Variants in SPATA17 observed in about 807,000 individuals in gnomAD.
SPATA17 encodes spermatogenesis-associated protein 17.
A neutral mutation model predicts 62.2 loss-of-function variants in SPATA17; 53 were observed. That is an observed-to-expected ratio of 0.85 (90% CI 0.68 to 1.07). The LOEUF is 1.07. Among genes scored for constraint, SPATA17 ranks in the 50% least tolerant of loss-of-function variants. SPATA17 has a pLI of 0.00. For synonymous variants in SPATA17, 146 were observed against 146.8 expected, an observed-to-expected ratio of 0.99 and a Z score of 0.04; for missense variants, 466 against 425.5, an observed-to-expected ratio of 1.10 and a Z score of -0.84.
At chr1:217,850,865 A>C (rs570048603) in intron 9 of SPATA17, among the ~76,000 whole-genome samples, 1 of 152,112 alleles carries the variant, frequency 6.6e-6, no homozygotes, top group Non-Finnish European at 1.5e-5. Flanking sequence ...TGAAATTTGC[A>C]GGGGGAATTA....
chr1:217,717,625 G>A (rs1195604671), intron 5 of SPATA17, among the ~76,000 whole-genome samples: 3 of 151,854 alleles, frequency 2.0e-5, no homozygotes, highest in Non-Finnish European at 2.9e-5. Context: ...ATAATAATAA[G>A]TAATTATGTA....
chr1:217,637,250 G>A (rs905566202), intron 1 of SPATA17, among the ~76,000 whole-genome samples: 10 of 152,222 alleles, frequency 6.6e-5, no homozygotes, highest in African/African-American at 2.4e-4. Context: ...GGGTTACAAC[G>A]AAGGAATGTG....
At chr1:217,851,105 T>C (rs549325279) in intron 9 of SPATA17, among the ~76,000 whole-genome samples, 3 of 152,130 alleles carry the variant, frequency 2.0e-5, no homozygotes, top group Non-Finnish European at 4.4e-5. Flanking sequence ...TGGTTTGACA[T>C]TTTTCTTTTT....
rs777173279 is a variant in SPATA17 at position 217,782,203 on chromosome 1, A to G, written c.753A>G (p.Leu251=). 1.9e-6 allele frequency: 3 copies of G among 1,607,198 alleles called. No homozygotes were observed. The highest frequency in any genetic ancestry group is 2.2e-5 in the South Asian group (2 of 89,912). The change falls in exon 8 of 11, where the codon TTA becomes TTG. Residue 251 remains leucine, a synonymous_variant. Transcript: ENST00000366933. ...QGPFRDITEV[L]EQRYRPLEPT... ...CCTTCCGAGATATCACCGAAGTATT[A>G]GAACAACGCTACAGGCCTTTGGAGC...
In SPATA17 at chr1:217,814,947, A is replaced by G. The variant is rs538567515; in HGVS notation, c.1005+13097A>G. ...ATCTAGAATGAGAGTTAAATTCTTC[A>G]TCTGACAAAGATCATGGAATATGTT... On this transcript the variant is annotated intron_variant, in intron 9 of 10. Coordinates refer to ENST00000366933, the MANE Select transcript of SPATA17 (RefSeq NM_138796.4). 2.4e-4 allele frequency among the ~76,000 whole-genome samples: 36 copies of G among 152,306 alleles called. No individual in the cohort carries two copies. In the South Asian group the frequency reaches 6.8e-3, roughly 29 times the overall value.
intron 2 of SPATA17, among the ~76,000 whole-genome samples, chr1:217,649,316 TAAAAATACA>T (rs979155614): frequency 3.3e-5 from 5 of 151,916 alleles, no homozygotes; most frequent in Admixed American, 6.6e-5. Flanking sequence ...CAGTCTCTAC[TAAAAATACA>T]AAAATTAGCC....
At chr1:217,708,435 A>G (rs545914479) in intron 5 of SPATA17, among the ~76,000 whole-genome samples, 1 of 152,320 alleles carries the variant, frequency 6.6e-6, no homozygotes, top group Non-Finnish European at 1.5e-5. Context: ...CTCTATGCAC[A>G]TAAGGTAAAA....
chr1:217,649,176 CT>C (rs1670252929), intron 2 of SPATA17, among the ~76,000 whole-genome samples: 1 of 151,984 alleles, frequency 6.6e-6, no homozygotes, highest in African/African-American at 2.4e-5. Flanking sequence ...GACTGTATTG[CT>C]TTTTAAAATT....
At chr1:217,732,763 T>C (rs1185195847) in intron 5 of SPATA17, among the ~76,000 whole-genome samples, 1 of 151,514 alleles carries the variant, frequency 6.6e-6, no homozygotes, top group Non-Finnish European at 1.5e-5. Flanking sequence ...GAGGCTGAAT[T>C]AATATCTGAA....
chr1:217,748,650 A>G (rs1434243985), intron 6 of SPATA17, among the ~76,000 whole-genome samples: 1 of 150,574 alleles, frequency 6.6e-6, no homozygotes, highest in Non-Finnish European at 1.5e-5. Flanking sequence ...AGGCTGAGGC[A>G]GGAGAATCGC....
intron 6 of SPATA17, among the ~76,000 whole-genome samples, chr1:217,772,118 T>TC: frequency 6.8e-6 from 1 of 147,410 alleles, no homozygotes; most frequent in South Asian, 2.1e-4. Context: ...ATATAACATT[T>TC]ATTTTTTTCT....
At chr1:217,725,962 T>C (rs1270882527) in intron 5 of SPATA17, among the ~76,000 whole-genome samples, 2 of 152,174 alleles carry the variant, frequency 1.3e-5, no homozygotes, top group Admixed American at 6.5e-5. Context: ...ATATTGTATT[T>C]TTCTGTTGTA....
In SPATA17 at chr1:217,770,978, A is replaced by AATT. The variant is rs1553251071; in HGVS notation, c.520-3356_520-3355insATT. ...ATGTATCTATTATATAACTCATTGC[A>AATT]TTTTTTTTTTTTTTTTTTTTTTTTT... On this transcript the variant is annotated intron_variant, in intron 6 of 10. Transcript: ENST00000366933. Among the ~76,000 whole-genome samples the AATT allele has an allele frequency of 3.2e-3, 160 of 50,160 alleles. 15 individuals carry two copies. Among genetic ancestry groups the AATT allele is most frequent in the South Asian group, 7.0e-3 (7 of 1,000 alleles). The allele number at this position is 50,160 out of a possible 152,430, so 32.9% of individuals were successfully genotyped here.
At chr1:217,703,162 A>ACCATGCCTGGCATAT (rs1483243568) in intron 5 of SPATA17, among the ~76,000 whole-genome samples, 1 of 121,850 alleles carries the variant, frequency 8.2e-6, no homozygotes. Context: ...GGCGTGAGCC[A>ACCATGCCTGGCATAT]TTGCGCTCGG....
intron 5 of SPATA17, among the ~76,000 whole-genome samples, chr1:217,724,279 G>T (rs1009678134): frequency 6.6e-6 from 1 of 152,092 alleles, no homozygotes; most frequent in Non-Finnish European, 1.5e-5. Flanking sequence ...GAGGTTTTGG[G>T]TAAAAGTTTA....
intron 5 of SPATA17, among the ~76,000 whole-genome samples, chr1:217,686,460 T>A (rs1671216513): frequency 6.6e-6 from 1 of 152,184 alleles, no homozygotes; most frequent in African/African-American, 2.4e-5. Flanking sequence ...ATTTGCTTAT[T>A]TAAATACTTC....
intron 5 of SPATA17, among the ~76,000 whole-genome samples, chr1:217,709,980 G>T (rs191822947): frequency 6.6e-6 from 1 of 152,166 alleles, no homozygotes; most frequent in Non-Finnish European, 1.5e-5. Context: ...ATCTTTGGGG[G>T]TTAAATCATT....
At chr1:217,660,656 C>T (rs969095011) in intron 3 of SPATA17, among the ~76,000 whole-genome samples, 1 of 152,158 alleles carries the variant, frequency 6.6e-6, no homozygotes, top group South Asian at 2.1e-4. Context: ...GAGGTGTTCT[C>T]GGTCTTTTCC....
intron 9 of SPATA17, among the ~76,000 whole-genome samples, chr1:217,839,330 C>T (rs1188958083): frequency 1.3e-5 from 2 of 152,074 alleles, no homozygotes; most frequent in East Asian, 3.9e-4. Context: ...CCAGTTCTAA[C>T]AAATTGAAAC....
Sources: allele counts gnomAD v4.1 joint callset (sites outside exome capture counted in the v4.1 genomes callset), GRCh38; gene constraint gnomAD v4.1.1; transcripts MANE v1.5; gene names NCBI Gene and HGNC (gene_info 2026-07-23, HGNC 2026-07-21).